Variants in ABHD5 observed in about 807,000 individuals in gnomAD.
ABHD5 encodes abhydrolase domain containing 5, lysophosphatidic acid acyltransferase, also known as 1-acylglycerol-3-phosphate O-acyltransferase ABHD5.
A neutral mutation model predicts 44.9 loss-of-function variants in ABHD5; 30 were observed. That is an observed-to-expected ratio of 0.67 (90% confidence interval 0.50 to 0.91). The LOEUF (loss-of-function observed/expected upper bound fraction) is 0.91, where lower values mean the gene tolerates loss of function less well. Among genes scored for constraint, ABHD5 ranks in the 40% least tolerant of loss-of-function variants. The pLI, the probability that ABHD5 is intolerant of heterozygous loss-of-function variation, is 0.00. For missense variants in ABHD5, 399 were observed against 423.4 expected (o/e 0.94, Z 0.50); for synonymous variants, 167 against 147.0 (o/e 1.14, Z -0.99).
chr3:43,693,363 T>C (rs1432642404), intron 1 of ABHD5, among the ~76,000 whole-genome samples: 4 of 152,210 alleles, frequency 2.6e-5, no homozygotes, highest in Non-Finnish European at 1.5e-5. Flanking sequence ...GATTTTTCTC[T>C]CCCCTCCCTG....
intron 5 of ABHD5, among the ~76,000 whole-genome samples, chr3:43,716,115 G>A (rs1303714788): frequency 2.6e-5 from 4 of 152,118 alleles, no homozygotes; most frequent in Admixed American, 6.5e-5. Context: ...AAGTACCAGT[G>A]GAGAAAACAG....
At chr3:43,718,093 T>C (rs1417672737) in intron 6 of ABHD5, among the ~76,000 whole-genome samples, 2 of 152,134 alleles carry the variant, frequency 1.3e-5, no homozygotes, top group African/African-American at 2.4e-5. Context: ...AGCCACAGCA[T>C]TAGGAGAGAT....
At chr3:43,715,170 A>G in intron 5 of ABHD5, 112 bp downstream of exon 5, 2 of 770,944 alleles carry the variant, frequency 2.6e-6, no homozygotes, top group Middle Eastern at 3.6e-4. Flanking sequence ...TTATTTATTT[A>G]TTCATTCAAT....
intron 3 of ABHD5, among the ~76,000 whole-genome samples, chr3:43,710,449 G>C (rs2084674129): frequency 6.6e-6 from 1 of 152,160 alleles, no homozygotes; most frequent in South Asian, 2.1e-4. Context: ...GTGGGTTTCA[G>C]CCCTAGTTCT....
In ABHD5 at chr3:43,717,524, C is replaced by T. The variant is rs2084781611; in HGVS notation, c.774-147C>T. 6.1e-6 allele frequency: 5 copies of T among 817,014 alleles called. No individual in the cohort carries two copies. In the South Asian group the frequency reaches 7.5e-5, roughly 12 times the overall value. The allele number at this position is 817,014 out of a possible 1,614,324, so 50.6% of individuals were successfully genotyped here. ...TGATCTGTGAGATTTGTTCCTTACA[C>T]TGTCTCATAAATTATTTTCTATTTA... is the stretch of plus-strand genomic sequence containing the variant. On this transcript the variant is annotated intron_variant, in intron 5 of 6. Coordinates refer to ENST00000644371, the MANE Select transcript of ABHD5 (RefSeq NM_016006.6).
intron 3 of ABHD5, among the ~76,000 whole-genome samples, chr3:43,709,932 A>G (rs2084666348): frequency 6.6e-6 from 1 of 152,250 alleles, no homozygotes; most frequent in South Asian, 2.1e-4. Flanking sequence ...AATCCCAGCT[A>G]CTCAGGAGAC....
rs754832881 is a variant in ABHD5, at chr3:43,690,999, G to C, written c.7G>C (p.Ala3Pro). The C allele has an allele frequency of 1.9e-6, 3 of 1,572,660 alleles. No homozygotes were observed. Among genetic ancestry groups the C allele is most frequent in the Non-Finnish European group, 2.6e-6 (3 of 1,162,468 alleles). The change falls in exon 1 of 7, where the codon GCG becomes CCG. Residue 3 changes from alanine (A) to proline (P), a missense_variant. By Grantham distance (27) the Ala-to-Pro change is conservative. Coordinates refer to ENST00000644371, the MANE Select transcript of ABHD5 (RefSeq NM_016006.6). Reference protein sequence around the residue: MAAEEEEVDSADT... With the variant: MAPEEEEVDSADT... ...CGCTTGCGCGGCGGCGGCTATGGCG[G>C]CGGAGGAGGAGGAGGTGGACTCTGC...
chr3:43,711,015 G>A (rs940271404), intron 3 of ABHD5, among the ~76,000 whole-genome samples: 2 of 152,078 alleles, frequency 1.3e-5, no homozygotes, highest in African/African-American at 2.4e-5. Context: ...CTATCTCTTG[G>A]TCAATGAAAA....
At position 43,704,033 on chromosome 3, in the gene ABHD5, C is replaced by CTT. The variant is rs10544525; in HGVS notation, c.506+1467_506+1468dup. ...ATTTTGGGGTTACTTTCTTTATTTT[C>CTT]TTTTTTTTTTTTTTTTTTTTTTGAG... On this transcript the variant is annotated intron_variant, in intron 3 of 6. Coordinates refer to ENST00000644371, the MANE Select transcript of ABHD5 (RefSeq NM_016006.6). Among the ~76,000 whole-genome samples the CTT allele has an allele frequency of 3.7e-3, 312 of 84,822 alleles. 1 individual carries two copies. Among genetic ancestry groups the CTT allele is most frequent in the Non-Finnish European group, 4.4e-3 (205 of 46,102 alleles). 55.6% of individuals were successfully genotyped at this position (84,822 alleles called of 152,430 possible). A position where few individuals can be genotyped will look rare whatever the true frequency, so the allele number is the denominator to read the frequency against.
intron 3 of ABHD5, among the ~76,000 whole-genome samples, chr3:43,705,199 C>G (rs1374196216): frequency 2.6e-5 from 4 of 152,126 alleles, no homozygotes. Flanking sequence ...CTCTGTTCTT[C>G]TCTTTGCATT....
At chr3:43,724,535 T>C (rs1180956697), downstream of ABHD5, among the ~76,000 whole-genome samples, 1 of 152,210 alleles carries the variant, frequency 6.6e-6, no homozygotes, top group Non-Finnish European at 1.5e-5. Context: ...AATATGGTAA[T>C]ATTAGAAGTC....
intron 4 of ABHD5, among the ~76,000 whole-genome samples, chr3:43,712,371 T>C (rs1575604920): frequency 6.6e-6 from 1 of 152,218 alleles, no homozygotes; most frequent in East Asian, 1.9e-4. Flanking sequence ...AAAGATAAAG[T>C]TATTTTTTCC....
chr3:43,720,811 G>A lies in ABHD5; in HGVS notation c.*2279G>A, dbSNP rs1360143854. The A allele has an allele frequency of 6.6e-6, 1 of 152,020 alleles. No homozygotes were observed. The highest frequency in any genetic ancestry group is 1.5e-5 in the Non-Finnish European group (1 of 68,018). 9.4% of individuals were successfully genotyped at this position (152,020 alleles called of 1,614,324 possible). On this transcript the variant is annotated 3_prime_UTR_variant, in exon 7 of 7. Transcript: ENST00000644371. Reference sequence around the variant, plus strand: ...AGTAAATGCTGCTGTTGTTCTTAGGGAAGGCTACTCTGGGTGTTGTGGCCG... The same window carrying A: ...AGTAAATGCTGCTGTTGTTCTTAGGAAAGGCTACTCTGGGTGTTGTGGCCG...
intron 3 of ABHD5, among the ~76,000 whole-genome samples, chr3:43,708,041 TGTGTTGGTACAG>T (rs1213543109): frequency 3.3e-5 from 5 of 152,230 alleles, no homozygotes; most frequent in African/African-American, 1.2e-4. Context: ...CAGGTCCTAG[TGTGTTGGTACAG>T]GTGTTGTCCA....
intron 1 of ABHD5, 56 bp downstream of exon 1, chr3:43,691,095 G>C: frequency 6.7e-7 from 1 of 1,489,752 alleles, no homozygotes; most frequent in Non-Finnish European, 8.9e-7. Flanking sequence ...CTCCGCGCGG[G>C]CCGGGTTAGG....
intron 4 of ABHD5, among the ~76,000 whole-genome samples, chr3:43,713,970 C>G (rs1212529243): frequency 1.3e-5 from 2 of 151,878 alleles, no homozygotes; most frequent in Non-Finnish European, 2.9e-5. Context: ...GAAGTAAAGC[C>G]TTGCTGGAGT....
At chr3:43,704,703 A>G (rs1258415420) in intron 3 of ABHD5, among the ~76,000 whole-genome samples, 1 of 152,358 alleles carries the variant, frequency 6.6e-6, no homozygotes, top group Non-Finnish European at 1.5e-5. Flanking sequence ...AACACTTTAA[A>G]AACATTATAA....
In ABHD5 at chr3:43,718,737, A is replaced by C. The variant is rs532650650; in HGVS notation, c.*205A>C. 2 of 573,418 alleles carry C rather than the reference A, an allele frequency of 3.5e-6. No homozygotes were observed. The highest frequency in any genetic ancestry group is 6.3e-6 in the Non-Finnish European group (2 of 319,098). The allele number at this position is 573,418 out of a possible 1,614,324, so 35.5% of individuals were successfully genotyped here. On this transcript the variant is annotated 3_prime_UTR_variant, in exon 7 of 7. Coordinates refer to ENST00000644371, the MANE Select transcript of ABHD5 (RefSeq NM_016006.6). Reference sequence around the variant, plus strand: ...AGAATGGCTTTCCTTTCTCCTACACAAAATTGAAATATACAAGTCTCTAAA... The same window carrying C: ...AGAATGGCTTTCCTTTCTCCTACACCAAATTGAAATATACAAGTCTCTAAA...
chr3:43,724,093 A>T (rs1221548541), downstream of ABHD5, among the ~76,000 whole-genome samples: 2 of 152,170 alleles, frequency 1.3e-5, no homozygotes, highest in Non-Finnish European at 2.9e-5. Context: ...ACAGGGGCTT[A>T]TGTACGGTCT....
Sources: gnomAD v4.1 joint callset for allele counts (sites outside exome capture counted in the v4.1 genomes callset) on GRCh38, gnomAD v4.1.1 for gene constraint, MANE v1.5 for transcripts, NCBI Gene and HGNC (gene_info 2026-07-23, HGNC 2026-07-21) for gene names.